Variants in OPCML observed in about 807,000 individuals in gnomAD.
OPCML encodes the protein opioid binding protein/cell adhesion molecule like, also known as opioid-binding protein/cell adhesion molecule.
A neutral mutation model predicts 37.8 loss-of-function variants in OPCML; 13 were observed. That is an observed-to-expected ratio of 0.34 (90% CI 0.22 to 0.55). The LOEUF (loss-of-function observed/expected upper bound fraction) is 0.55, where lower values mean the gene tolerates loss of function less well. OPCML is among the 20% of genes least tolerant of loss of function. The probability of loss-of-function intolerance (pLI) is 0.91; values close to 1 mark genes in which losing one functional copy is unlikely to be tolerated. For synonymous variants in OPCML, 176 were observed against 168.8 expected (o/e 1.04, Z -0.33); for missense variants, 341 against 435.6 (o/e 0.78, Z 1.93).
intron 1 of OPCML, among the ~76,000 whole-genome samples, chr11:133,237,517 G>A (rs1480471474): frequency 6.6e-6 from 1 of 152,188 alleles, no homozygotes; most frequent in Non-Finnish European, 1.5e-5. Context: ...GTGAACAAAG[G>A]GGATGCAAGA....
intron 1 of OPCML, among the ~76,000 whole-genome samples, chr11:132,968,892 G>A (rs1946276016): frequency 6.6e-6 from 1 of 152,056 alleles, no homozygotes; most frequent in African/African-American, 2.4e-5. Flanking sequence ...TGGACTTCTA[G>A]TACAATGTTT....
chr11:133,082,702 G>A (rs1224006620), intron 1 of OPCML, among the ~76,000 whole-genome samples: 3 of 132,500 alleles, frequency 2.3e-5, no homozygotes, highest in African/African-American at 8.5e-5. Flanking sequence ...GCCGGGCGAG[G>A]GGCTCAAGGC....
In OPCML at chr11:133,257,667, C is replaced by T. The variant is rs138331381; in HGVS notation, c.61+274597G>A. Among the ~76,000 whole-genome samples, 46 of 152,316 alleles carry T rather than the reference C, an allele frequency of 3.0e-4. No homozygotes were observed. In the East Asian group the frequency reaches 8.5e-3, roughly 28 times the overall value. ...TCAGTGCCCTCTCTTCCTTTTGTTG[C>T]AACGTATCTTGTCTCCTCAGTGCCC... On this transcript the variant is annotated intron_variant, in intron 1 of 7. Coordinates refer to ENST00000524381, the MANE Select transcript of OPCML (RefSeq NM_001012393.5).
chr11:132,796,122 A>G (rs116019045), intron 2 of OPCML, among the ~76,000 whole-genome samples: 1,578 of 152,322 alleles, frequency 0.01, 26 homozygotes, highest in African/African-American at 0.036. Context: ...ATATGCAAGT[A>G]CTATGCCATT....
At chr11:132,569,231 C>T (rs993244030) in intron 3 of OPCML, among the ~76,000 whole-genome samples, 2 of 152,184 alleles carry the variant, frequency 1.3e-5, no homozygotes, top group African/African-American at 4.8e-5. Flanking sequence ...CATTAGGAAA[C>T]GCCCTAGTTC....
chr11:132,532,713 T>C (rs1326877977), intron 3 of OPCML, among the ~76,000 whole-genome samples: 1 of 152,168 alleles, frequency 6.6e-6, no homozygotes, highest in Non-Finnish European at 1.5e-5. Flanking sequence ...TCCCAGTACC[T>C]GCCATGAGGA....
chr11:133,326,060 C>T (rs923111178), intron 1 of OPCML, among the ~76,000 whole-genome samples: 3 of 152,132 alleles, frequency 2.0e-5, no homozygotes, highest in Non-Finnish European at 4.4e-5. Context: ...TCATTTCTTG[C>T]TCATCTTTTC....
At chr11:132,854,855 A>C (rs1365921410) in intron 2 of OPCML, among the ~76,000 whole-genome samples, 1 of 152,192 alleles carries the variant, frequency 6.6e-6, no homozygotes, top group Non-Finnish European at 1.5e-5. Flanking sequence ...TATGACAGAG[A>C]GAAGTCTAGC....
intron 4 of OPCML, among the ~76,000 whole-genome samples, chr11:132,483,883 G>C (rs2096189967): frequency 6.6e-6 from 1 of 151,866 alleles, no homozygotes; most frequent in Non-Finnish European, 1.5e-5. Context: ...GCTGAAACTG[G>C]ATCCCTTCCT....
At chr11:132,833,355 C>T (rs2136283718) in intron 2 of OPCML, among the ~76,000 whole-genome samples, 1 of 152,266 alleles carries the variant, frequency 6.6e-6, no homozygotes, top group Middle Eastern at 3.4e-3. Flanking sequence ...TGATCACTAT[C>T]ACTGTCCTTC....
intron 2 of OPCML, among the ~76,000 whole-genome samples, chr11:132,795,880 C>T (rs770908080): frequency 1.5e-4 from 23 of 152,206 alleles, no homozygotes; most frequent in Non-Finnish European, 2.6e-4. Flanking sequence ...AACCCTTGTA[C>T]GACACAGTCG....
At chr11:132,645,948 A>G (rs751071795) in intron 3 of OPCML, among the ~76,000 whole-genome samples, 7 of 152,220 alleles carry the variant, frequency 4.6e-5, no homozygotes, top group Non-Finnish European at 8.8e-5. Context: ...GGAGAAGAAC[A>G]TTAAAGGCAG....
chr11:133,169,371 A>C (rs1950257941), intron 1 of OPCML, among the ~76,000 whole-genome samples: 1 of 151,782 alleles, frequency 6.6e-6, no homozygotes. Context: ...TTAAAAAATT[A>C]AACAAAAATA....
intron 1 of OPCML, among the ~76,000 whole-genome samples, chr11:133,411,807 C>G (rs1454650245): frequency 6.6e-6 from 1 of 152,170 alleles, no homozygotes; most frequent in African/African-American, 2.4e-5. Flanking sequence ...GGAAGATCAC[C>G]TAAGAGCCTT....
At chr11:132,565,250 A>G (rs1380678526) in intron 3 of OPCML, among the ~76,000 whole-genome samples, 2 of 152,122 alleles carry the variant, frequency 1.3e-5, no homozygotes, top group Non-Finnish European at 2.9e-5. Flanking sequence ...AATATGGCCA[A>G]TATTTCCAAA....
chr11:132,683,993 A>G (rs914044402), intron 2 of OPCML, among the ~76,000 whole-genome samples: 5 of 152,084 alleles, frequency 3.3e-5, no homozygotes, highest in Non-Finnish European at 5.9e-5. Context: ...CTCCAACTTT[A>G]TACTTGTATT....
chr11:132,718,153 CA>C (rs1944556154), intron 2 of OPCML, among the ~76,000 whole-genome samples: 1 of 152,136 alleles, frequency 6.6e-6, no homozygotes, highest in Non-Finnish European at 1.5e-5. Context: ...ATTTGGTTCA[CA>C]TTCTTTCACT....
At chr11:132,748,796 A>T (rs1945733305) in intron 2 of OPCML, among the ~76,000 whole-genome samples, 1 of 152,086 alleles carries the variant, frequency 6.6e-6, no homozygotes, top group African/African-American at 2.4e-5. Context: ...GCTGGAGGGG[A>T]TGTGAGTGAA....
intron 2 of OPCML, among the ~76,000 whole-genome samples, chr11:132,714,474 T>A (rs917147819): frequency 2.0e-5 from 3 of 152,136 alleles, no homozygotes; most frequent in African/African-American, 7.2e-5. Context: ...CTACAGTAAT[T>A]CAAGGACGGA....
Sources: gnomAD v4.1 joint callset for allele counts (sites outside exome capture counted in the v4.1 genomes callset) on GRCh38, gnomAD v4.1.1 for gene constraint, MANE v1.5 for transcripts, NCBI Gene and HGNC (gene_info 2026-07-23, HGNC 2026-07-21) for gene names.